The following DLG2 variants were observed in gnomAD, a reference collection of about 807,000 sequenced individuals.
DLG2 encodes disks large homolog 2.
A neutral mutation model predicts 132.5 loss-of-function variants in DLG2; 45 were observed. That is an observed-to-expected ratio of 0.34 (90% CI 0.27 to 0.44). The LOEUF (loss-of-function observed/expected upper bound fraction) is 0.44, where lower values mean the gene tolerates loss of function less well. DLG2 is among the 20% of genes least tolerant of loss of function. The probability of loss-of-function intolerance (pLI) is 1.00; values close to 1 mark genes in which losing one functional copy is unlikely to be tolerated. For missense variants in DLG2, 1,045 were observed against 1,196.9 expected (o/e 0.87, Z 1.87); for synonymous variants, 424 against 419.6 (o/e 1.01, Z -0.13).
At chr11:83,700,698 G>A (rs1179221488) in intron 18 of DLG2, among the ~76,000 whole-genome samples, 1 of 151,684 alleles carries the variant, frequency 6.6e-6, no homozygotes, top group East Asian at 1.9e-4. Context: ...AATACATCTT[G>A]CGGGATTAAT....
intron 6 of DLG2, among the ~76,000 whole-genome samples, chr11:84,755,975 C>T (rs935695207): frequency 1.3e-5 from 2 of 151,886 alleles, no homozygotes; most frequent in Admixed American, 1.3e-4. Context: ...GAATGACTGG[C>T]GTACTTCATC....
chr11:84,399,066 CAATT>C (rs1379939672), intron 7 of DLG2, among the ~76,000 whole-genome samples: 1 of 152,168 alleles, frequency 6.6e-6, no homozygotes, highest in Non-Finnish European at 1.5e-5. Context: ...GAATCATTAA[CAATT>C]AATTATCTTA....
chr11:84,253,651 TTAAG>T (rs1024520107), intron 7 of DLG2, among the ~76,000 whole-genome samples: 33 of 152,294 alleles, frequency 2.2e-4, no homozygotes, highest in African/African-American at 6.0e-4. Context: ...TTACTGCTTA[TTAAG>T]TATGTATTAC....
intron 7 of DLG2, among the ~76,000 whole-genome samples, chr11:84,473,761 TA>T (rs1191708471): frequency 6.6e-6 from 1 of 152,032 alleles, no homozygotes; most frequent in Non-Finnish European, 1.5e-5. Flanking sequence ...CTAAATACTT[TA>T]AGTCAGAGTA....
chr11:85,176,552 G>C (rs577073512), intron 4 of DLG2, among the ~76,000 whole-genome samples: 104 of 152,204 alleles, frequency 6.8e-4, no homozygotes, highest in South Asian at 1.9e-3. Context: ...CATAGGCACT[G>C]GCAAAGATTT....
intron 6 of DLG2, among the ~76,000 whole-genome samples, chr11:85,009,387 C>T (rs779364404): frequency 1.3e-5 from 2 of 151,992 alleles, no homozygotes; most frequent in Non-Finnish European, 2.9e-5. Context: ...AAACAAATTG[C>T]TTCCAATGGT....
intron 7 of DLG2, among the ~76,000 whole-genome samples, chr11:84,285,012 A>C (rs2097894907): frequency 6.6e-6 from 1 of 152,220 alleles, no homozygotes; most frequent in South Asian, 2.1e-4. Context: ...AAACACTTTT[A>C]TAACTAGGAC....
intron 3 of DLG2, among the ~76,000 whole-genome samples, chr11:85,583,130 GTATATATATATATATATATA>G (rs3068386): frequency 4.6e-3 from 63 of 13,610 alleles, no homozygotes; most frequent in African/African-American, 9.5e-3. Flanking sequence ...GTGTGTGTGT[GTATATATATATATATATATA>G]TATATATATA....
chr11:84,305,152 T>A (rs2098201562), intron 7 of DLG2, among the ~76,000 whole-genome samples: 1 of 152,192 alleles, frequency 6.6e-6, no homozygotes, highest in Admixed American at 6.5e-5. Flanking sequence ...TCCACAGCCA[T>A]AATGCAGATA....
intron 6 of DLG2, among the ~76,000 whole-genome samples, chr11:84,916,128 G>A (rs1021143369): frequency 1.3e-5 from 2 of 151,618 alleles, no homozygotes; most frequent in African/African-American, 4.8e-5. Flanking sequence ...GGCGGATCAC[G>A]AGGTCAGGAG....
intron 11 of DLG2, among the ~76,000 whole-genome samples, chr11:84,015,720 C>T (rs2095144137): frequency 6.6e-6 from 1 of 152,130 alleles, no homozygotes; most frequent in Non-Finnish European, 1.5e-5. Context: ...TGACCTCGTT[C>T]CTCTTTATGG....
chr11:85,095,968 G>C (rs772325356), intron 6 of DLG2, among the ~76,000 whole-genome samples: 4 of 152,178 alleles, frequency 2.6e-5, no homozygotes, highest in Admixed American at 1.3e-4. Context: ...GAGAACCTTC[G>C]TGTCTAGCTA....
chr11:85,065,651 T>C (rs1431991614), intron 6 of DLG2, among the ~76,000 whole-genome samples: 1 of 151,158 alleles, frequency 6.6e-6, no homozygotes, highest in African/African-American at 2.4e-5. Context: ...TAGAAATTAA[T>C]ACCAAGAGGA....
At chr11:84,181,115 C>T (rs4454750) in intron 8 of DLG2, among the ~76,000 whole-genome samples, 129,202 of 151,874 alleles carry the variant, frequency 0.85, 55,173 homozygotes, top group Middle Eastern at 0.92. Flanking sequence ...TATATACACA[C>T]ATATGTATGA....
intron 5 of DLG2, among the ~76,000 whole-genome samples, chr11:85,148,925 A>G (rs751019126): frequency 6.6e-6 from 1 of 152,182 alleles, no homozygotes; most frequent in Non-Finnish European, 1.5e-5. Context: ...TAATTTTTGT[A>G]TAAAGTATAA....
At chr11:85,408,333 A>G (rs2088964845) in intron 3 of DLG2, among the ~76,000 whole-genome samples, 1 of 151,016 alleles carries the variant, frequency 6.6e-6, no homozygotes, top group Non-Finnish European at 1.5e-5. Flanking sequence ...CAGAACTGAC[A>G]TTTGGGTGGG....
chr11:84,332,019 G>A (rs1474690686), intron 7 of DLG2, among the ~76,000 whole-genome samples: 3 of 152,044 alleles, frequency 2.0e-5, no homozygotes, highest in African/African-American at 7.2e-5. Flanking sequence ...TCTGCAGAAA[G>A]GTCATTTATT....
intron 7 of DLG2, among the ~76,000 whole-genome samples, chr11:84,490,546 T>C (rs2099162111): frequency 6.6e-6 from 1 of 151,466 alleles, no homozygotes; most frequent in Admixed American, 6.6e-5. Flanking sequence ...AGCGGAGATT[T>C]AATTTTTGGT....
chr11:84,461,575 GT>G (rs1331952606), intron 7 of DLG2, among the ~76,000 whole-genome samples: 1 of 150,974 alleles, frequency 6.6e-6, no homozygotes, highest in African/African-American at 2.4e-5. Flanking sequence ...ATACAAAAAT[GT>G]TTTTAAAAAT....
Sources: gnomAD v4.1 joint callset for allele counts (sites outside exome capture counted in the v4.1 genomes callset) on GRCh38, gnomAD v4.1.1 for gene constraint, MANE v1.5 for transcripts, NCBI Gene and HGNC (gene_info 2026-07-23, HGNC 2026-07-21) for gene names.